The following CP variants were observed in gnomAD, a reference collection of about 807,000 sequenced individuals.
CP encodes the protein ceruloplasmin, also known as caeruloplasmin.
Under a neutral mutation model 122.4 loss-of-function variants are expected in CP, and 64 were observed. The observed-to-expected ratio is 0.52, with a 90% CI of 0.43 to 0.64. The LOEUF (loss-of-function observed/expected upper bound fraction) is 0.64. CP is among the 30% of genes least tolerant of loss of function. The pLI is 0.00. For missense variants in CP, 1,167 were observed against 1,284.4 expected (o/e 0.91, Z 1.40); for synonymous variants, 440 against 436.4 (o/e 1.01, Z -0.10).
chr3:149,192,480 A>G (rs1168891248), intron 9 of CP, among the ~76,000 whole-genome samples: 1 of 138,738 alleles, frequency 7.2e-6, no homozygotes, highest in African/African-American at 2.6e-5. Context: ...TTTTCTAAGT[A>G]TGATACAAAA....
chr3:149,171,064 G>A (rs1724932816), downstream of CP, among the ~76,000 whole-genome samples: 1 of 152,192 alleles, frequency 6.6e-6, no homozygotes, highest in South Asian at 2.1e-4. Flanking sequence ...CGGATCATGA[G>A]GTCAAGAGAT....
At chr3:149,163,164 A>G (rs1294253691) in intron 5 of CP, among the ~76,000 whole-genome samples, 4 of 152,230 alleles carry the variant, frequency 2.6e-5, no homozygotes, top group Non-Finnish European at 5.9e-5. Context: ...CTTCCAGAAC[A>G]TCACCTCATC....
intron 7 of CP, among the ~76,000 whole-genome samples, chr3:149,201,740 TAC>T (rs1330766553): frequency 6.6e-6 from 1 of 151,534 alleles, no homozygotes; most frequent in Non-Finnish European, 1.5e-5. Flanking sequence ...GGATTACAGG[TAC>T]GTGCCACCAC....
At chr3:149,162,679 C>G (rs751408954) in exon 6 of CP, 15 of 1,613,752 alleles carry the variant, frequency 9.3e-6, no homozygotes, top group Non-Finnish European at 1.3e-5. Flanking sequence ...GCTCCTTTTA[C>G]TGTTTTTAAG....
At chr3:149,175,259 G>A (rs977897614) in intron 18 of CP, among the ~76,000 whole-genome samples, 6 of 152,086 alleles carry the variant, frequency 3.9e-5, no homozygotes, top group African/African-American at 1.2e-4. Flanking sequence ...AGTTATTGGC[G>A]TTAAATTTAG....
At chr3:149,197,536 A>G (rs916379583) in intron 9 of CP, among the ~76,000 whole-genome samples, 6 of 152,152 alleles carry the variant, frequency 3.9e-5, no homozygotes, top group Non-Finnish European at 8.8e-5. Flanking sequence ...TCTGAATTAG[A>G]TCAAACTTTT....
At chr3:149,203,127 C>T (rs1446225080) in intron 6 of CP, among the ~76,000 whole-genome samples, 2 of 152,102 alleles carry the variant, frequency 1.3e-5, no homozygotes, top group African/African-American at 4.8e-5. Context: ...AGGATGGTCT[C>T]GATCTCCTGA....
At chr3:149,206,611 T>C (rs1235006834) in intron 5 of CP, among the ~76,000 whole-genome samples, 1 of 152,204 alleles carries the variant, frequency 6.6e-6, no homozygotes, top group East Asian at 1.9e-4. Flanking sequence ...GGGGTTTCAC[T>C]TGGTAGTTCT....
chr3:149,174,893 G>A (rs145683856), intron 18 of CP, among the ~76,000 whole-genome samples: 139 of 152,104 alleles, frequency 9.1e-4, no homozygotes, highest in African/African-American at 3.2e-3. Flanking sequence ...TTTATCTAGT[G>A]TTGATTTTTA....
chr3:149,168,128 G>C (rs531087254), downstream of CP: 4 of 640,968 alleles, frequency 6.2e-6, no homozygotes, highest in Non-Finnish European at 8.5e-6. Flanking sequence ...CAGCATTCAC[G>C]TACCCTCCCC....
At chr3:149,195,875 A>C (rs1726868893) in intron 9 of CP, among the ~76,000 whole-genome samples, 1 of 152,094 alleles carries the variant, frequency 6.6e-6, no homozygotes, top group Admixed American at 6.6e-5. Context: ...CAAAAAAAAA[A>C]AAAAAGAATA....
chr3:149,197,746 A>G (rs1726990928), intron 9 of CP, among the ~76,000 whole-genome samples: 1 of 152,210 alleles, frequency 6.6e-6, no homozygotes, highest in African/African-American at 2.4e-5. Flanking sequence ...CGTGCAACCT[A>G]GACCCCTCAC....
chr3:149,191,153 C>T (rs1451204564), intron 9 of CP, among the ~76,000 whole-genome samples: 2 of 151,936 alleles, frequency 1.3e-5, no homozygotes, highest in Admixed American at 1.3e-4. Context: ...CAGATCTTTG[C>T]AAGGCTGCCT....
intron 9 of CP, among the ~76,000 whole-genome samples, chr3:149,197,078 AG>A (rs1404070011): frequency 5.9e-5 from 9 of 152,120 alleles, no homozygotes; most frequent in African/African-American, 2.2e-4. Flanking sequence ...TGCCTGCCAG[AG>A]AACAAACCCC....
At chr3:149,170,301 GTTTT>G (rs571758095), downstream of CP, among the ~76,000 whole-genome samples, 1 of 152,126 alleles carries the variant, frequency 6.6e-6, no homozygotes, top group African/African-American at 2.4e-5. Flanking sequence ...CTCCAACTCA[GTTTT>G]TTTGTTTCTG....
intron 9 of CP, among the ~76,000 whole-genome samples, chr3:149,193,632 G>C (rs1056835917): frequency 6.6e-6 from 1 of 151,968 alleles, no homozygotes; most frequent in African/African-American, 2.4e-5. Flanking sequence ...AGTTATAAAG[G>C]TCAGGAACTT....
At chr3:149,199,439 C>T (rs1727145767) in intron 8 of CP, among the ~76,000 whole-genome samples, 1 of 152,098 alleles carries the variant, frequency 6.6e-6, no homozygotes, top group Non-Finnish European at 1.5e-5. Flanking sequence ...AATTAAAAAT[C>T]ACCCAAGGTA....
intron 11 of CP, 28 bp downstream of exon 11, chr3:149,186,492 A>G: frequency 1.2e-6 from 2 of 1,604,150 alleles, no homozygotes; most frequent in South Asian, 1.1e-5. Context: ...AATCCATCCA[A>G]TAGAGACTTG....
intron 7 of CP, among the ~76,000 whole-genome samples, chr3:149,200,333 A>G (rs936801803): frequency 5.9e-5 from 9 of 152,124 alleles, no homozygotes; most frequent in African/African-American, 2.2e-4. Flanking sequence ...ATAAAAATAT[A>G]TATTTTACAT....
Sources: gnomAD v4.1 joint callset for allele counts (sites outside exome capture counted in the v4.1 genomes callset) on GRCh38, gnomAD v4.1.1 for gene constraint, MANE v1.5 for transcripts, NCBI Gene and HGNC (gene_info 2026-07-23, HGNC 2026-07-21) for gene names.